UBAP2: variants seen among roughly 807,000 people sequenced by gnomAD.
UBAP2 encodes the protein ubiquitin-associated protein 2.
A neutral mutation model predicts 139.6 loss-of-function variants in UBAP2; 75 were observed. The observed-to-expected ratio is 0.54, with a 90% CI of 0.45 to 0.65. The LOEUF (loss-of-function observed/expected upper bound fraction) is 0.65. UBAP2 is among the 30% of genes least tolerant of loss of function. The pLI, the probability that UBAP2 is intolerant of heterozygous loss-of-function variation, is 0.00. For synonymous variants in UBAP2, 526 were observed against 526.2 expected, an observed-to-expected ratio of 1.00 and a Z score of 0.01; for missense variants, 1,368 against 1,369.6, an observed-to-expected ratio of 1.00 and a Z score of 0.02.
chr9:33,988,005 C>T (rs1337844133), intron 5 of UBAP2, among the ~76,000 whole-genome samples: 3 of 152,168 alleles, frequency 2.0e-5, no homozygotes, highest in Non-Finnish European at 2.9e-5. Flanking sequence ...GCATGGCTTG[C>T]TCCCCTCACC....
intron 1 of UBAP2, among the ~76,000 whole-genome samples, chr9:34,024,163 A>C (rs2131305586): frequency 6.6e-6 from 1 of 152,174 alleles, no homozygotes; most frequent in East Asian, 1.9e-4. Flanking sequence ...GTTCAAGACC[A>C]GCCCGACCAT....
chr9:34,037,217 T>G (rs1406891410), intron 1 of UBAP2, among the ~76,000 whole-genome samples: 1 of 152,124 alleles, frequency 6.6e-6, no homozygotes, highest in Non-Finnish European at 1.5e-5. Context: ...CTCGATCTCC[T>G]GACCTCGTGA....
chr9:34,006,186 A>T (rs903933543), intron 2 of UBAP2, among the ~76,000 whole-genome samples: 2 of 151,674 alleles, frequency 1.3e-5, no homozygotes, highest in African/African-American at 4.8e-5. Context: ...GTGAGCCGAG[A>T]TCGCACCATT....
chr9:34,019,730 GA>G (rs1824743447), intron 1 of UBAP2, among the ~76,000 whole-genome samples: 1 of 144,316 alleles, frequency 6.9e-6, no homozygotes, highest in African/African-American at 2.6e-5. Context: ...CACACGCACA[GA>G]AAAACATGTA....
chr9:33,922,623 C>CT, intron 28 of UBAP2, 24 bp from the exon 29 acceptor site: 2 of 1,608,326 alleles, frequency 1.2e-6, no homozygotes, highest in South Asian at 1.1e-5. Flanking sequence ...GAAGGGAAGG[C>CT]TGTCAAGGCT....
intron 2 of UBAP2, among the ~76,000 whole-genome samples, chr9:34,003,651 C>A (rs1822923383): frequency 6.6e-6 from 1 of 152,150 alleles, no homozygotes; most frequent in African/African-American, 2.4e-5. Flanking sequence ...AAATGACCCT[C>A]CTGCCTTGCC....
chr9:34,002,481 G>A (rs1356023275), intron 2 of UBAP2, among the ~76,000 whole-genome samples: 2 of 148,852 alleles, frequency 1.3e-5, no homozygotes, highest in Non-Finnish European at 1.5e-5. Context: ...AGGTTCAAGC[G>A]ATTCTCTTGC....
intron 28 of UBAP2, 38 bp downstream of exon 28, chr9:33,922,649 G>T (rs769937768): frequency 1.3e-6 from 2 of 1,589,500 alleles, no homozygotes; most frequent in Non-Finnish European, 1.7e-6. Flanking sequence ...AGAACCCCTG[G>T]CCCAGAGTAG....
At chr9:33,986,383 C>CT (rs1277454922) in intron 6 of UBAP2, among the ~76,000 whole-genome samples, 5 of 152,070 alleles carry the variant, frequency 3.3e-5, no homozygotes, top group Admixed American at 1.3e-4. Flanking sequence ...AGCAAAAAGA[C>CT]TACAACTCAC....
At chr9:34,000,472 C>T (rs1822607000) in intron 2 of UBAP2, among the ~76,000 whole-genome samples, 1 of 152,252 alleles carries the variant, frequency 6.6e-6, no homozygotes, top group East Asian at 1.9e-4. Context: ...GTAATTATTA[C>T]AACAGGGAAA....
At chr9:33,940,657 T>C (rs1328231854) in intron 16 of UBAP2, among the ~76,000 whole-genome samples, 1 of 152,120 alleles carries the variant, frequency 6.6e-6, no homozygotes, top group Non-Finnish European at 1.5e-5. Flanking sequence ...TGCATGTCTG[T>C]AGTCCCAGCT....
Position 33,981,824 on chromosome 9 carries a change from G to A in UBAP2, c.520+4936C>T, listed in dbSNP as rs567892495. Reference sequence around the variant, plus strand: ...GAAGGAAGGGTGGAAGGGGGGAAGCGGGGAAGGAGGGAAGGGGGGAAAGGG... The same window carrying A: ...GAAGGAAGGGTGGAAGGGGGGAAGCAGGGAAGGAGGGAAGGGGGGAAAGGG... On this transcript the variant is annotated intron_variant, in intron 6 of 28. Transcript: ENST00000379238. Among the ~76,000 whole-genome samples the A allele has an allele frequency of 4.3e-5, 6 of 138,418 alleles. No homozygotes were observed. The East Asian group carries it at 6.7e-4, about 15-fold the overall frequency. The allele number at this position is 138,418 out of a possible 152,430, so 90.8% of individuals were successfully genotyped here.
chr9:33,993,251 A>G (rs993081395), intron 4 of UBAP2, among the ~76,000 whole-genome samples: 1 of 152,248 alleles, frequency 6.6e-6, no homozygotes. Flanking sequence ...TAGGAAAAGA[A>G]TCGTTTGCCT....
Position 33,941,847 on chromosome 9 carries a change from T to C in UBAP2, c.1731A>G (p.Thr577=), listed in dbSNP as rs764383624. 3 of 1,613,616 alleles carry C rather than the reference T, an allele frequency of 1.9e-6. No individual in the cohort carries two copies. Among genetic ancestry groups the C allele is most frequent in the African/African-American group, 1.3e-5 (1 of 74,844 alleles). ...YSKSLSEPLN[T]SLSMTSAVQN... is the part of the protein sequence containing the mutation. ...GTACTGCACTGGTCATTGATAAAGA[T>C]GTATTCAAAGGCTCACTGAAAAGAG... Residue 577 remains threonine (T), a synonymous_variant, in exon 16 of 29, where the codon ACA becomes ACG. Transcript: ENST00000379238.
chr9:33,985,233 T>G (rs972822305), intron 6 of UBAP2, among the ~76,000 whole-genome samples: 1 of 152,168 alleles, frequency 6.6e-6, no homozygotes, highest in South Asian at 2.1e-4. Flanking sequence ...TTAAACAAAT[T>G]TATGGGGTAC....
intron 9 of UBAP2, 41 bp from the exon 10 acceptor site, chr9:33,960,919 T>C: frequency 6.3e-7 from 1 of 1,585,340 alleles, no homozygotes; most frequent in Non-Finnish European, 8.7e-7. Context: ...TACCACAAAG[T>C]CAAATACAGT....
intron 2 of UBAP2, among the ~76,000 whole-genome samples, chr9:34,004,487 A>G (rs1202422894): frequency 1.3e-5 from 2 of 152,004 alleles, no homozygotes; most frequent in East Asian, 3.9e-4. Context: ...GGTCACAAAA[A>G]AAGGAAAAAA....
intron 9 of UBAP2, among the ~76,000 whole-genome samples, chr9:33,961,224 G>C (rs1587568896): frequency 6.6e-6 from 1 of 152,262 alleles, no homozygotes; most frequent in South Asian, 2.1e-4. Context: ...CACAAATATA[G>C]ACATTTAACA....
At chr9:33,979,302 C>T (rs559701647) in intron 6 of UBAP2, among the ~76,000 whole-genome samples, 19 of 152,260 alleles carry the variant, frequency 1.2e-4, no homozygotes, top group African/African-American at 4.3e-4. Context: ...CAAAATAATA[C>T]ATATAAGCTG....
Sources: allele counts gnomAD v4.1 joint callset (sites outside exome capture counted in the v4.1 genomes callset), GRCh38; gene constraint gnomAD v4.1.1; transcripts MANE v1.5; gene names NCBI Gene and HGNC (gene_info 2026-07-23, HGNC 2026-07-21).